APBA1: variants seen among roughly 807,000 people sequenced by gnomAD.
APBA1 encodes the protein amyloid-beta A4 precursor protein-binding family A member 1.
In APBA1, 55 loss-of-function variants were observed where a neutral mutation model predicts 86.6. That is an observed-to-expected ratio of 0.64 (90% CI 0.51 to 0.80). APBA1 has a LOEUF of 0.80. Among genes scored for constraint, APBA1 ranks in the 30% least tolerant of loss-of-function variants. The pLI is 0.00. For missense variants in APBA1, 1,090 were observed against 1,183.0 expected (o/e 0.92, Z 1.15); for synonymous variants, 511 against 493.9 (o/e 1.03, Z -0.46).
At chr9:69,639,979 T>C (rs1012986698) in intron 1 of APBA1, among the ~76,000 whole-genome samples, 1 of 152,112 alleles carries the variant, frequency 6.6e-6, no homozygotes, top group African/African-American at 2.4e-5. Flanking sequence ...AGAGAGCATA[T>C]GAAATGACAG....
At chr9:69,611,285 G>GAAAAAAAAAA (rs56357426) in intron 1 of APBA1, among the ~76,000 whole-genome samples, 189 of 111,836 alleles carry the variant, frequency 1.7e-3, no homozygotes, top group African/African-American at 2.2e-3. Context: ...ACCAGAAAAG[G>GAAAAAAAAAA]AAAAAAAAAA....
At chr9:69,632,970 TC>T (rs1219092421) in intron 1 of APBA1, among the ~76,000 whole-genome samples, 3 of 149,950 alleles carry the variant, frequency 2.0e-5, no homozygotes, top group East Asian at 2.0e-4. Context: ...TTCCTCTAGC[TC>T]CCCCCCTGCT....
chr9:69,564,353 T>G (rs1318429832), intron 1 of APBA1, among the ~76,000 whole-genome samples: 1 of 152,190 alleles, frequency 6.6e-6, no homozygotes, highest in African/African-American at 2.4e-5. Context: ...AAAGAGTATG[T>G]CTTCATTTTC....
At chr9:69,639,035 G>T (rs1311025542) in intron 1 of APBA1, among the ~76,000 whole-genome samples, 1 of 152,022 alleles carries the variant, frequency 6.6e-6, no homozygotes, top group Non-Finnish European at 1.5e-5. Context: ...ATTTATATAG[G>T]TTTTGATTTT....
intron 2 of APBA1, among the ~76,000 whole-genome samples, chr9:69,482,615 A>C (rs1835532939): frequency 6.6e-6 from 1 of 151,500 alleles, no homozygotes; most frequent in South Asian, 2.1e-4. Flanking sequence ...CAGCCATCCC[A>C]TTACTGGGTA....
chr9:69,500,617 G>A (rs756127098), intron 2 of APBA1, among the ~76,000 whole-genome samples: 10 of 152,074 alleles, frequency 6.6e-5, no homozygotes, highest in Non-Finnish European at 1.5e-4. Flanking sequence ...GTTAACTCAC[G>A]CAAGAAAAGC....
intron 2 of APBA1, among the ~76,000 whole-genome samples, chr9:69,488,859 A>T (rs1370118755): frequency 6.6e-6 from 1 of 152,194 alleles, no homozygotes; most frequent in Non-Finnish European, 1.5e-5. Context: ...GAGCCAAATC[A>T]TGAGTGAACT....
chr9:69,560,925 T>G (rs1451014594), intron 1 of APBA1, among the ~76,000 whole-genome samples: 1 of 152,186 alleles, frequency 6.6e-6, no homozygotes, highest in African/African-American at 2.4e-5. Flanking sequence ...AGTTATTAAT[T>G]CATCTACCTA....
intron 1 of APBA1, among the ~76,000 whole-genome samples, chr9:69,565,927 A>T (rs1837019690): frequency 6.6e-6 from 1 of 152,202 alleles, no homozygotes; most frequent in East Asian, 1.9e-4. Flanking sequence ...TACGGCTCTC[A>T]GAGTGAGGAG....
chr9:69,450,823 CAAA>C (rs925796696), intron 9 of APBA1, among the ~76,000 whole-genome samples: 3 of 141,042 alleles, frequency 2.1e-5, no homozygotes. Flanking sequence ...TCATGGGTAT[CAAA>C]AAAAAAAAGA....
At chr9:69,668,991 T>C (rs1823893578) in intron 1 of APBA1, among the ~76,000 whole-genome samples, 2 of 152,222 alleles carry the variant, frequency 1.3e-5, no homozygotes, top group Admixed American at 1.3e-4. Flanking sequence ...TCACTATTTT[T>C]ACAGTTAGTA....
At chr9:69,577,465 G>C (rs910355926) in intron 1 of APBA1, among the ~76,000 whole-genome samples, 1 of 152,118 alleles carries the variant, frequency 6.6e-6, no homozygotes, top group Non-Finnish European at 1.5e-5. Context: ...AGCACACAAG[G>C]GGAACAGTTT....
chr9:69,458,107 T>C (rs775992628), intron 6 of APBA1, 49 bp downstream of exon 6: 4 of 1,523,630 alleles, frequency 2.6e-6, no homozygotes, highest in African/African-American at 1.4e-5. Flanking sequence ...CAGAAACGAA[T>C]GAAAAGAACA....
chr9:69,584,505 G>A (rs1821980953), intron 1 of APBA1, among the ~76,000 whole-genome samples: 1 of 152,170 alleles, frequency 6.6e-6, no homozygotes. Context: ...CTTATTAGCA[G>A]TATGACCTTA....
At chr9:69,431,432 G>A in intron 12 of APBA1, 34 bp from the exon 13 acceptor site, 1 of 1,593,894 alleles carries the variant, frequency 6.3e-7, no homozygotes, top group Non-Finnish European at 8.6e-7. Flanking sequence ...GTGGGGGGCT[G>A]AGGCTGGGGG....
intron 5 of APBA1, chr9:69,461,669 T>C (rs1466921667): frequency 6.6e-6 from 1 of 152,232 alleles, no homozygotes; most frequent in Non-Finnish European, 1.5e-5. Flanking sequence ...GAGAGGCTAA[T>C]TAACTTGCCC....
chr9:69,522,105 T>C (rs576710423), intron 1 of APBA1, among the ~76,000 whole-genome samples: 1 of 151,932 alleles, frequency 6.6e-6, no homozygotes, highest in South Asian at 2.1e-4. Flanking sequence ...ATTATATATA[T>C]ATATATGTGT....
intron 7 of APBA1, 133 bp from the exon 8 acceptor site, chr9:69,456,565 C>G (rs1835101387): frequency 3.2e-6 from 3 of 924,550 alleles, no homozygotes; most frequent in African/African-American, 3.3e-5. Flanking sequence ...AAAGCCCATG[C>G]TGAGGGATCA....
chr9:69,639,730 T>C (rs1179654434), intron 1 of APBA1, among the ~76,000 whole-genome samples: 1 of 152,216 alleles, frequency 6.6e-6, no homozygotes, highest in Non-Finnish European at 1.5e-5. Context: ...AAACATTTAC[T>C]CTGCCTTGCT....
Sources: allele counts gnomAD v4.1 joint callset (sites outside exome capture counted in the v4.1 genomes callset), GRCh38; gene constraint gnomAD v4.1.1; transcripts MANE v1.5; gene names NCBI Gene and HGNC (gene_info 2026-07-23, HGNC 2026-07-21).